Variants in HSPA12A observed in about 807,000 individuals in gnomAD.
The protein encoded by HSPA12A is heat shock protein family A (Hsp70) member 12A.
Under a neutral mutation model 69.2 loss-of-function variants are expected in HSPA12A, and 28 were observed. The ratio of observed to expected loss-of-function variants is 0.40; its 90% CI spans 0.30 to 0.55. HSPA12A has a LOEUF of 0.55. Ranked by LOEUF, HSPA12A falls within the 20% of genes least tolerant of loss-of-function variation. The pLI is 0.38. For synonymous variants in HSPA12A, 345 were observed against 370.5 expected, an observed-to-expected ratio of 0.93 and a Z score of 0.79; for missense variants, 686 against 900.7, an observed-to-expected ratio of 0.76 and a Z score of 3.05.
intron 1 of HSPA12A, among the ~76,000 whole-genome samples, chr10:116,839,286 G>C (rs941930907): frequency 6.6e-6 from 1 of 152,186 alleles, no homozygotes. Flanking sequence ...TTAGGATCAA[G>C]TCAGACATTA....
At position 116,739,134 on chromosome 10, in the gene HSPA12A, C is replaced by T. The variant is rs541024008; in HGVS notation, c.40+3296G>A. Reference sequence around the variant, plus strand: ...AACACAAGTCCCTGAGGGCCTATGACATGCCAGGCACATGCCAGGAGAGGC... The same window carrying T: ...AACACAAGTCCCTGAGGGCCTATGATATGCCAGGCACATGCCAGGAGAGGC... On this transcript the variant is annotated intron_variant, in intron 1 of 11. Coordinates refer to ENST00000369209, the MANE Select transcript of HSPA12A (RefSeq NM_025015.3). 9.2e-5 allele frequency among the ~76,000 whole-genome samples: 14 copies of T among 152,282 alleles called. No individual in the cohort carries two copies. The East Asian group carries it at 2.7e-3, about 30-fold the overall frequency.
chr10:116,848,171 T>C (rs1429141793), intron 1 of HSPA12A, among the ~76,000 whole-genome samples: 1 of 152,182 alleles, frequency 6.6e-6, no homozygotes, highest in African/African-American at 2.4e-5. Flanking sequence ...CCAGGCTCCG[T>C]GGTGGATGTG....
chr10:116,778,982 G>A (rs1376973161), intron 2 of HSPA12A, among the ~76,000 whole-genome samples: 1 of 152,150 alleles, frequency 6.6e-6, no homozygotes, highest in East Asian at 1.9e-4. Flanking sequence ...CCATGGCAGA[G>A]TGGAAGGGTC....
At chr10:116,782,119 G>A (rs1393341691) in intron 2 of HSPA12A, among the ~76,000 whole-genome samples, 5 of 152,176 alleles carry the variant, frequency 3.3e-5, no homozygotes, top group African/African-American at 7.2e-5. Context: ...GCAAAGAGAC[G>A]TTCGCAGAGA....
chr10:116,816,964 G>A (rs1229548130), intron 2 of HSPA12A, among the ~76,000 whole-genome samples: 1 of 152,054 alleles, frequency 6.6e-6, no homozygotes, highest in Non-Finnish European at 1.5e-5. Flanking sequence ...GATTCAAATC[G>A]TTCTTCCTTC....
intron 2 of HSPA12A, among the ~76,000 whole-genome samples, chr10:116,771,505 G>A (rs1050148279): frequency 6.6e-6 from 1 of 152,246 alleles, no homozygotes; most frequent in Non-Finnish European, 1.5e-5. Flanking sequence ...TTTAAGCAAC[G>A]AAAGAGGCCA....
At chr10:116,773,756 G>A (rs994323561) in intron 2 of HSPA12A, among the ~76,000 whole-genome samples, 3 of 152,334 alleles carry the variant, frequency 2.0e-5, no homozygotes, top group Non-Finnish European at 4.4e-5. Context: ...CCCTGGTCCT[G>A]GGCAGGGGCA....
At chr10:116,704,405 A>G (rs1380664411) in intron 3 of HSPA12A, among the ~76,000 whole-genome samples, 1 of 152,136 alleles carries the variant, frequency 6.6e-6, no homozygotes, top group Non-Finnish European at 1.5e-5. Flanking sequence ...GTGGGAATTG[A>G]ACAATGAGAA....
intron 3 of HSPA12A, among the ~76,000 whole-genome samples, chr10:116,702,797 A>G (rs1370550813): frequency 6.6e-6 from 1 of 152,208 alleles, no homozygotes; most frequent in African/African-American, 2.4e-5. Context: ...CATTATGCTA[A>G]TATGTTCTGA....
At chr10:116,780,906 C>G (rs1844448550) in intron 2 of HSPA12A, among the ~76,000 whole-genome samples, 1 of 152,154 alleles carries the variant, frequency 6.6e-6, no homozygotes, top group Non-Finnish European at 1.5e-5. Flanking sequence ...TACATTTCAG[C>G]CAGAGATTAA....
intron 1 of HSPA12A, chr10:116,849,444 A>AAGAACCTAGGCCTGG (rs766347886): frequency 2.6e-5 from 35 of 1,324,468 alleles, no homozygotes; most frequent in Non-Finnish European, 3.3e-5. Context: ...TTACCGCAGG[A>AAGAACCTAGGCCTGG]AGAACCTAGG....
intron 1 of HSPA12A, among the ~76,000 whole-genome samples, chr10:116,735,329 G>A (rs1289068971): frequency 1.3e-5 from 2 of 152,220 alleles, no homozygotes; most frequent in Non-Finnish European, 2.9e-5. Context: ...ACTAAGAGGT[G>A]AAGGCAATTT....
At chr10:116,840,662 C>T (rs2449804) in intron 1 of HSPA12A, among the ~76,000 whole-genome samples, 6 of 152,194 alleles carry the variant, frequency 3.9e-5, no homozygotes, top group Non-Finnish European at 7.3e-5. Context: ...AATGGGAACT[C>T]TGCTTTTAAC....
At chr10:116,762,429 C>T (rs974092692) in intron 2 of HSPA12A, among the ~76,000 whole-genome samples, 2 of 152,140 alleles carry the variant, frequency 1.3e-5, no homozygotes, top group Admixed American at 1.3e-4. Context: ...CTCTTCATCC[C>T]TTACAGGATG....
At chr10:116,750,292 TGTAGAAA>T (rs1554888209) in intron 2 of HSPA12A, 2 of 801,748 alleles carry the variant, frequency 2.5e-6, no homozygotes, top group African/African-American at 3.4e-5. Flanking sequence ...ATGAATACAA[TGTAGAAA>T]GCACTTATGG....
Position 116,723,872 on chromosome 10 carries a change from G to C in HSPA12A, c.41-16587C>G, listed in dbSNP as rs578006946. On this transcript the variant is annotated intron_variant, in intron 1 of 11. Transcript: ENST00000369209. The surrounding 1 kb of genome is among the most constrained non-coding windows in gnomAD (Gnocchi z 4.1). ...TCCAGGCCCATCTACCATCTTGCCCGATGCCCACCTGAGGGCCCCTGACCA... is the reference window on the plus strand; with the variant it reads ...TCCAGGCCCATCTACCATCTTGCCCCATGCCCACCTGAGGGCCCCTGACCA... Among the ~76,000 whole-genome samples the C allele has an allele frequency of 6.6e-6, 1 of 152,166 alleles. No individual in the cohort carries two copies. The highest frequency in any genetic ancestry group is 2.4e-5 in the African/African-American group (1 of 41,434).
At chr10:116,799,262 C>T (rs970515921) in intron 2 of HSPA12A, among the ~76,000 whole-genome samples, 11 of 152,208 alleles carry the variant, frequency 7.2e-5, no homozygotes, top group African/African-American at 2.7e-4. Flanking sequence ...CTCTGGTCAC[C>T]TTCCACCCTG....
At chr10:116,742,760 C>T (rs1417820048), upstream of HSPA12A, among the ~76,000 whole-genome samples, 1 of 151,830 alleles carries the variant, frequency 6.6e-6, no homozygotes, top group Non-Finnish European at 1.5e-5. Flanking sequence ...AGCGGCCCGC[C>T]GAGGCCCGGC....
chr10:116,732,515 T>C (rs1851194098), intron 1 of HSPA12A, among the ~76,000 whole-genome samples: 1 of 151,796 alleles, frequency 6.6e-6, no homozygotes, highest in Admixed American at 6.6e-5. Context: ...AAATCCCTAA[T>C]CAAAACCCTT....
Sources: allele counts gnomAD v4.1 joint callset (sites outside exome capture counted in the v4.1 genomes callset), GRCh38; gene constraint gnomAD v4.1.1; non-coding constraint Gnocchi (gnomAD v3.1); transcripts MANE v1.5; gene names NCBI Gene and HGNC (gene_info 2026-07-23, HGNC 2026-07-21).